KAZN: variants seen among roughly 807,000 people sequenced by gnomAD.
KAZN encodes kazrin, periplakin interacting protein.
A neutral mutation model predicts 87.4 loss-of-function variants in KAZN; 40 were observed. That is an observed-to-expected ratio of 0.46 (90% CI 0.36 to 0.60). KAZN has a LOEUF of 0.60. Ranked by LOEUF, KAZN falls within the 20% of genes least tolerant of loss-of-function variation. The pLI is 0.00. For missense variants in KAZN, 898 were observed against 1,073.9 expected (o/e 0.84, Z 2.29); for synonymous variants, 466 against 458.3 (o/e 1.02, Z -0.22).
intron 2 of KAZN, among the ~76,000 whole-genome samples, chr1:14,416,550 A>G (rs1664777123): frequency 6.6e-6 from 1 of 152,154 alleles, no homozygotes; most frequent in Non-Finnish European, 1.5e-5. Context: ...AAGCCTGGTC[A>G]ACATGGTGAA....
chr1:14,786,720 C>T (rs779723313), intron 1 of KAZN, among the ~76,000 whole-genome samples: 6 of 152,198 alleles, frequency 3.9e-5, no homozygotes, highest in Non-Finnish European at 7.3e-5. Flanking sequence ...ACAGCAATGC[C>T]TGAACAATTT....
chr1:14,507,637 G>C (rs981987759), intron 2 of KAZN, among the ~76,000 whole-genome samples: 1 of 152,078 alleles, frequency 6.6e-6, no homozygotes, highest in Non-Finnish European at 1.5e-5. Flanking sequence ...ATATGAAGGA[G>C]AGCTGTCTTT....
Position 14,397,970 on chromosome 1 carries a change from G to C in KAZN, c.250-201013G>C, listed in dbSNP as rs192399405. Among the ~76,000 whole-genome samples the C allele has an allele frequency of 2.0e-5, 3 of 152,062 alleles. No homozygotes were observed. The East Asian group carries it at 5.8e-4, about 29-fold the overall frequency. On this transcript the variant is annotated intron_variant, in intron 2 of 16. Coordinates refer to the KAZN transcript ENST00000636203. ...TGCATTGCAGAATAAGAGACATATG[G>C]AGCCAAAATACCTCAGTTAAGGTGG...
chr1:14,838,284 G>A (rs139314007), intron 1 of KAZN, among the ~76,000 whole-genome samples: 3 of 152,156 alleles, frequency 2.0e-5, no homozygotes, highest in Admixed American at 1.3e-4. Context: ...AGGCCCTACC[G>A]CTGTATACTA....
intron 2 of KAZN, among the ~76,000 whole-genome samples, chr1:14,310,169 T>C (rs1022178684): frequency 2.5e-4 from 38 of 151,908 alleles, no homozygotes; most frequent in African/African-American, 9.0e-4. Flanking sequence ...TTACAGGCAA[T>C]GTGTGAGCAG....
intron 2 of KAZN, among the ~76,000 whole-genome samples, chr1:14,586,525 GT>G (rs371736294): frequency 0.024 from 3,066 of 125,196 alleles, 93 homozygotes; most frequent in African/African-American, 0.082. Context: ...TTTCTTTCTG[GT>G]TTTTTTTTTT....
At chr1:14,633,983 G>A (rs1407192583) in intron 1 of KAZN, among the ~76,000 whole-genome samples, 1 of 152,032 alleles carries the variant, frequency 6.6e-6, no homozygotes, top group Non-Finnish European at 1.5e-5. Flanking sequence ...TTGTTCTGGT[G>A]CCCTGGTGCC....
intron 2 of KAZN, among the ~76,000 whole-genome samples, chr1:14,985,468 T>G (rs1666713258): frequency 6.6e-6 from 1 of 151,882 alleles, no homozygotes. Context: ...AGGCCAAGGC[T>G]GCAGTGAGCT....
chr1:13,926,484 A>G (rs1640280366), intron 1 of KAZN, among the ~76,000 whole-genome samples: 3 of 152,024 alleles, frequency 2.0e-5, no homozygotes, highest in South Asian at 2.1e-4. Context: ...TTCCTCCCAC[A>G]TTTCCCCTGC....
chr1:14,686,129 C>T (rs535640106), intron 1 of KAZN, among the ~76,000 whole-genome samples: 183 of 152,238 alleles, frequency 1.2e-3, no homozygotes, highest in Middle Eastern at 3.4e-3. Context: ...AGTGCAGTGG[C>T]GTGATCTCAG....
At chr1:14,281,920 A>C (rs568434205) in intron 2 of KAZN, among the ~76,000 whole-genome samples, 1 of 152,180 alleles carries the variant, frequency 6.6e-6, no homozygotes, top group East Asian at 1.9e-4. Context: ...CTTTTGGGTA[A>C]AGTCCTGGGC....
chr1:14,692,262 A>C (rs1641360268), intron 1 of KAZN: 1 of 698,422 alleles, frequency 1.4e-6, no homozygotes, highest in African/African-American at 1.8e-5. Context: ...GCAATCTGGG[A>C]TCATCATCTG....
intron 1 of KAZN, among the ~76,000 whole-genome samples, chr1:14,034,361 A>T (rs1227720677): frequency 6.6e-6 from 1 of 152,210 alleles, no homozygotes; most frequent in Non-Finnish European, 1.5e-5. Context: ...GCTGTTTACA[A>T]GAGTCCTGTT....
At chr1:14,251,625 G>A (rs187575936) in intron 2 of KAZN, among the ~76,000 whole-genome samples, 80 of 143,262 alleles carry the variant, frequency 5.6e-4, no homozygotes, top group African/African-American at 2.1e-3. Context: ...TCCAGGCACA[G>A]TGAAAAGTTC....
intron 2 of KAZN, among the ~76,000 whole-genome samples, chr1:14,525,104 G>A (rs1342705523): frequency 6.6e-6 from 1 of 152,240 alleles, no homozygotes; most frequent in African/African-American, 2.4e-5. Flanking sequence ...ATGGACATAT[G>A]TATCAGGGTT....
intron 8 of KAZN, among the ~76,000 whole-genome samples, chr1:15,078,339 A>G (rs1326233233): frequency 1.3e-5 from 2 of 152,096 alleles, no homozygotes; most frequent in African/African-American, 4.8e-5. Context: ...TAGGAAGCGG[A>G]TGTTGCAGTG....
chr1:14,427,999 G>T (rs937230157), intron 2 of KAZN, among the ~76,000 whole-genome samples: 4 of 152,128 alleles, frequency 2.6e-5, no homozygotes, highest in Non-Finnish European at 5.9e-5. Context: ...GTTTGGCCAG[G>T]TTGCTTGAGC....
In KAZN at chr1:14,429,584, G is replaced by A. The variant is rs551830110; in HGVS notation, c.250-169399G>A. ...TGAGAAGCAGAAGGCATTCACAAAA[G>A]GGGAGCGTCTTTCCCTTTCCAAAAT... On this transcript the variant is annotated intron_variant, in intron 2 of 16. Coordinates refer to the KAZN transcript ENST00000636203. 2.8e-3 allele frequency among the ~76,000 whole-genome samples: 419 copies of A among 152,268 alleles called. 2 individuals carry two copies. Among genetic ancestry groups the A allele is most frequent in the African/African-American group, 7.9e-3 (327 of 41,540 alleles).
intron 1 of KAZN, among the ~76,000 whole-genome samples, chr1:14,013,203 T>C (rs539498536): frequency 6.6e-6 from 1 of 152,312 alleles, no homozygotes; most frequent in Admixed American, 6.5e-5. Context: ...CTCTATGAAT[T>C]TTCTCTGGTT....
Sources: gnomAD v4.1 joint callset for allele counts (sites outside exome capture counted in the v4.1 genomes callset) on GRCh38, gnomAD v4.1.1 for gene constraint, MANE v1.5 for transcripts, NCBI Gene and HGNC (gene_info 2026-07-23, HGNC 2026-07-21) for gene names.